Variants in NRCAM observed in about 807,000 individuals in gnomAD.
The protein encoded by NRCAM is NgCAM-related cell adhesion molecule.
A neutral mutation model predicts 156.5 loss-of-function variants in NRCAM; 83 were observed. That is an observed-to-expected ratio of 0.53 (90% confidence interval 0.44 to 0.64). The LOEUF is 0.64. Among genes scored for constraint, NRCAM ranks in the 30% least tolerant of loss-of-function variants. The pLI is 0.00. For synonymous variants in NRCAM, 538 were observed against 563.9 expected (o/e 0.95, Z 0.65); for missense variants, 1,417 against 1,597.3 (o/e 0.89, Z 1.92).
chr7:108,347,032 G>GTTTTT lies in NRCAM; in HGVS notation c.-173-34306_-173-34302dup, dbSNP rs754160030. Among the ~76,000 whole-genome samples the GTTTTT allele has an allele frequency of 7.2e-3, 597 of 83,050 alleles. 62 individuals are homozygous for GTTTTT. Among genetic ancestry groups the GTTTTT allele is most frequent in the South Asian group, 9.7e-3 (20 of 2,072 alleles). The allele number at this position is 83,050 out of a possible 152,430, so 54.5% of individuals were successfully genotyped here. A position where few individuals can be genotyped will look rare whatever the true frequency, so the allele number is the denominator to read the frequency against. On this transcript the variant is annotated intron_variant, in intron 2 of 32. Transcript: ENST00000379028. ...CATATGTGACTCATATTATATTTCT[G>GTTTTT]TTTTTTTTTTTTTTTTTTTTTTTGA...
chr7:108,424,867 T>C (rs1815063582), intron 1 of NRCAM, among the ~76,000 whole-genome samples: 1 of 152,180 alleles, frequency 6.6e-6, no homozygotes, highest in African/African-American at 2.4e-5. Flanking sequence ...TACATTAGTG[T>C]ATTCATTTTG....
chr7:108,456,354 GC>G lies in NRCAM; in HGVS notation c.-444del, dbSNP rs1438241055. ...CCCCTCTGGCTGCTCCAGCCAGGCG[GC>G]CCCTGCGCCGTCCCCCGCGCCCGCG... is the stretch of plus-strand genomic sequence containing the variant. On this transcript the variant is annotated 5_prime_UTR_variant, in exon 1 of 33. Transcript: ENST00000379028. The G allele has an allele frequency of 6.6e-6, 1 of 151,446 alleles. No homozygotes were observed. Among genetic ancestry groups the G allele is most frequent in the Non-Finnish European group, 1.5e-5 (1 of 67,860 alleles). The allele number at this position is 151,446 out of a possible 1,614,324, so 9.4% of individuals were successfully genotyped here. A position where few individuals can be genotyped will look rare whatever the true frequency, so the allele number is the denominator to read the frequency against.
intron 1 of NRCAM, among the ~76,000 whole-genome samples, chr7:108,455,843 T>C (rs1387047028): frequency 6.6e-6 from 1 of 152,064 alleles, no homozygotes; most frequent in Non-Finnish European, 1.5e-5. Context: ...GAAGCCGCCG[T>C]GCCGGGCCCG....
At chr7:108,372,463 A>G (rs1284294405) in intron 2 of NRCAM, among the ~76,000 whole-genome samples, 1 of 152,198 alleles carries the variant, frequency 6.6e-6, no homozygotes, top group Non-Finnish European at 1.5e-5. Flanking sequence ...TTTGCCCGAT[A>G]AGGAGTTAAC....
chr7:108,451,230 A>AC (rs1849966502), intron 1 of NRCAM, among the ~76,000 whole-genome samples: 1 of 145,204 alleles, frequency 6.9e-6, no homozygotes, highest in African/African-American at 2.5e-5. Flanking sequence ...AAAAAAAAAA[A>AC]AACAAAGAAA....
At chr7:108,319,276 G>C (rs1395229132) in intron 2 of NRCAM, among the ~76,000 whole-genome samples, 1 of 152,158 alleles carries the variant, frequency 6.6e-6, no homozygotes, top group Non-Finnish European at 1.5e-5. Flanking sequence ...AATACTTTCT[G>C]TGTCCTTGAA....
intron 11 of NRCAM, among the ~76,000 whole-genome samples, chr7:108,220,225 C>T (rs1046990635): frequency 6.6e-6 from 1 of 152,118 alleles, no homozygotes; most frequent in Non-Finnish European, 1.5e-5. Flanking sequence ...AAACACATCC[C>T]ATGCTCATGG....
chr7:108,209,213 T>A (rs576162742), intron 12 of NRCAM, among the ~76,000 whole-genome samples: 41 of 152,336 alleles, frequency 2.7e-4, no homozygotes, highest in African/African-American at 9.9e-4. Flanking sequence ...ATTCATTAAC[T>A]GGGATTCTTT....
rs780238046 is a variant in NRCAM at position 108,184,405 on chromosome 7, T to G, written c.2233+12A>C. 2 of 1,614,030 alleles carry G rather than the reference T, an allele frequency of 1.2e-6. No individual in the cohort carries two copies. The highest frequency in any genetic ancestry group is 1.7e-6 in the Non-Finnish European group (2 of 1,179,998). ...TATTTCGTACCCTAGAAGTCCCGCT[T>G]TCCCGCTTTACCTGAGGCTTTCGTC... is the stretch of plus-strand genomic sequence containing the variant. On this transcript the variant is annotated intron_variant, in intron 21 of 32. Coordinates refer to ENST00000379028, the MANE Select transcript of NRCAM (RefSeq NM_001037132.4).
chr7:108,347,652 T>G (rs1041026159), intron 2 of NRCAM, among the ~76,000 whole-genome samples: 1 of 152,010 alleles, frequency 6.6e-6, no homozygotes, highest in Non-Finnish European at 1.5e-5. Flanking sequence ...AATTCAGGAG[T>G]GGAAGTTGTA....
intron 2 of NRCAM, among the ~76,000 whole-genome samples, chr7:108,367,552 T>A (rs2099599381): frequency 6.6e-6 from 1 of 152,260 alleles, no homozygotes; most frequent in African/African-American, 2.4e-5. Flanking sequence ...CTGTAGGAGT[T>A]TGGGGCAGCT....
chr7:108,209,461 T>A lies in NRCAM; in HGVS notation c.1035A>T (p.Ala345=), dbSNP rs141949473. The change falls in exon 12 of 33, where the codon GCA becomes GCT. Residue 345 remains alanine, a synonymous_variant. Transcript: ENST00000379028. ...AAATGGTATGGTGGATGGCTCCTAA[T>A]GCGTTTTTTGCTATACATTGGTAAT... ...SGNYQCIAKN[A]LGAIHHTISV... 6.2e-7 allele frequency: 1 copy of A among 1,609,620 alleles called. No individual in the cohort carries two copies. Among genetic ancestry groups the A allele is most frequent in the Non-Finnish European group, 8.5e-7 (1 of 1,178,172 alleles).
intron 1 of NRCAM, among the ~76,000 whole-genome samples, chr7:108,420,170 G>A (rs1486333949): frequency 6.6e-6 from 1 of 152,112 alleles, no homozygotes; most frequent in African/African-American, 2.4e-5. Flanking sequence ...GAAGTGGACT[G>A]AAATGTGTTG....
intron 3 of NRCAM, among the ~76,000 whole-genome samples, chr7:108,311,232 T>C (rs138470143): frequency 6.6e-6 from 1 of 152,342 alleles, no homozygotes; most frequent in East Asian, 1.9e-4. Flanking sequence ...TTACTGCTGA[T>C]ACTAGTATTG....
In NRCAM at chr7:108,209,489, C is replaced by G. The variant is rs1156647780; in HGVS notation, c.1007G>C (p.Gly336Ala). 1 of 1,611,826 alleles carries G rather than the reference C, an allele frequency of 6.2e-7. No individual in the cohort carries two copies. Among genetic ancestry groups the G allele is most frequent in the African/African-American group, 1.3e-5 (1 of 74,958 alleles). The change falls in exon 12 of 33, where the codon GGA (glycine) becomes GCA (alanine). Residue 336 changes from glycine to alanine, a missense_variant. Coordinates refer to ENST00000379028, the MANE Select transcript of NRCAM (RefSeq NM_001037132.4). ...QIIHVSEADS[G>A]NYQCIAKNAL... ...GTTTTTTGCTATACATTGGTAATTT[C>G]CAGAGTCTGCTTCTGAAACATGAAT...
chr7:108,346,432 A>G (rs1269783817), intron 2 of NRCAM, among the ~76,000 whole-genome samples: 1 of 152,138 alleles, frequency 6.6e-6, no homozygotes, highest in East Asian at 1.9e-4. Context: ...GTTATTAAAC[A>G]CTTCTGTATA....
intron 23 of NRCAM, 22 bp downstream of exon 23, chr7:108,182,673 A>G: frequency 6.2e-7 from 1 of 1,604,578 alleles, no homozygotes; most frequent in Non-Finnish European, 8.5e-7. Flanking sequence ...GCTGGGGAAA[A>G]GTAGGAAATG....
intron 2 of NRCAM, among the ~76,000 whole-genome samples, chr7:108,383,761 C>G (rs1048084000): frequency 1.3e-5 from 2 of 152,124 alleles, no homozygotes; most frequent in African/African-American, 4.8e-5. Flanking sequence ...AGCCAAGAAC[C>G]TGGGGAAATA....
chr7:108,380,669 G>A (rs2099696815), intron 2 of NRCAM, among the ~76,000 whole-genome samples: 1 of 152,102 alleles, frequency 6.6e-6, no homozygotes, highest in Admixed American at 6.6e-5. Flanking sequence ...TAGTTTTCTT[G>A]TGTGATTGGT....
Sources: gnomAD v4.1 joint callset for allele counts (sites outside exome capture counted in the v4.1 genomes callset) on GRCh38, gnomAD v4.1.1 for gene constraint, MANE v1.5 for transcripts, NCBI Gene and HGNC (gene_info 2026-07-23, HGNC 2026-07-21) for gene names.